NPR1: variants seen among roughly 807,000 people sequenced by gnomAD.
NPR1 encodes atrial natriuretic peptide receptor 1.
In NPR1, 57 loss-of-function variants were observed where a neutral mutation model predicts 116.9. The ratio of observed to expected loss-of-function variants is 0.49; its 90% CI spans 0.39 to 0.61. NPR1 has a LOEUF of 0.61. Among genes scored for constraint, NPR1 ranks in the 20% least tolerant of loss-of-function variants. The pLI is 0.00. For synonymous variants in NPR1, 555 were observed against 601.6 expected (o/e 0.92, Z 1.13); for missense variants, 1,096 against 1,409.8 (o/e 0.78, Z 3.56).
Position 153,683,474 on chromosome 1 carries a change from A to G in NPR1, c.1362A>G (p.Lys454=). 6.2e-7 allele frequency: 1 copy of G among 1,614,158 alleles called. No homozygotes were observed. The highest frequency in any genetic ancestry group is 8.5e-7 in the Non-Finnish European group (1 of 1,180,012). Residue 454 remains lysine, a synonymous_variant, in exon 6 of 22, where the codon AAA becomes AAG. Transcript: ENST00000368680. The stretch of plus-strand genomic sequence containing the variant: ...GGTACCCTCCTCCTGACATCCCCAA[A>G]TGTGGCTTTGACAACGAAGACCCAG... ...PLGYPPPDIP[K]CGFDNEDPAC... is the part of the protein sequence containing the mutation.
At position 153,680,787 on chromosome 1, in the gene NPR1, C is replaced by A. The variant is rs12088708; in HGVS notation, c.921+87C>A. 1.9e-3 allele frequency: 2,140 copies of A among 1,113,056 alleles called. 20 individuals carry two copies. In the African/African-American group the frequency reaches 0.02, roughly 11 times the overall value. 68.9% of individuals were successfully genotyped at this position (1,113,056 alleles called of 1,614,324 possible). On this transcript the variant is annotated intron_variant, in intron 2 of 21. Coordinates refer to ENST00000368680, the MANE Select transcript of NPR1 (RefSeq NM_000906.4). ...GTGTCCCTCAGCGTCTGAAAGAATT[C>A]CAGAAAAGAGGTTTTTGTCTGTTTG...
In NPR1 at chr1:153,685,052, C is replaced by T. The variant is rs139613164; in HGVS notation, c.1573C>T (p.Arg525Trp). 2.0e-5 allele frequency: 33 copies of T among 1,613,934 alleles called. No individual in the cohort carries two copies. The African/African-American group carries it at 2.7e-4, about 13-fold the overall frequency. The change falls in exon 8 of 22, where the codon CGG (arginine) becomes TGG (tryptophan). Residue 525 changes from arginine to tryptophan, a missense_variant. By Grantham distance (101) the Arg-to-Trp change is moderately radical. Coordinates refer to ENST00000368680, the MANE Select transcript of NPR1 (RefSeq NM_000906.4). ...VEPSSLERHL[R>W]SAGSRLTLSG... ...GCCCAGTAGCCTTGAGAGGCACCTGCGGAGTGCAGGCAGCCGGCTGACCCT... is the reference window on the plus strand; with the variant it reads ...GCCCAGTAGCCTTGAGAGGCACCTGTGGAGTGCAGGCAGCCGGCTGACCCT...
intron 4 of NPR1, among the ~76,000 whole-genome samples, 183 bp from the exon 5 acceptor site, chr1:153,682,315 C>T (rs775336026): frequency 6.6e-6 from 1 of 152,182 alleles, no homozygotes; most frequent in Non-Finnish European, 1.5e-5. Context: ...CCGCCTCAGC[C>T]TCCCAAAGTG....
At chr1:153,686,054 G>A (rs1032130780) in intron 9 of NPR1, 69 bp from the exon 10 acceptor site, 110 of 1,539,688 alleles carry the variant, frequency 7.1e-5, no homozygotes, top group South Asian at 4.5e-4. Context: ...ATGGGCTGTC[G>A]GGAGCAGCTG....
chr1:153,686,930 C>A, intron 11 of NPR1, 86 bp from the exon 12 acceptor site: 1 of 1,429,004 alleles, frequency 7.0e-7, no homozygotes, highest in African/African-American at 1.4e-5. Context: ...CCTGTTCTAC[C>A]AGTTCACATC....
Position 153,682,381 on chromosome 1 carries a change from C to G in NPR1, c.1172-117C>G, listed in dbSNP as rs1669805916. 6.9e-6 allele frequency: 5 copies of G among 729,368 alleles called. No individual in the cohort carries two copies. In the East Asian group the frequency reaches 1.1e-4, roughly 16 times the overall value. The allele number at this position is 729,368 out of a possible 1,614,324, so 45.2% of individuals were successfully genotyped here. A position where few individuals can be genotyped will look rare whatever the true frequency, so the allele number is the denominator to read the frequency against. On this transcript the variant is annotated intron_variant, in intron 4 of 21. Coordinates refer to ENST00000368680, the MANE Select transcript of NPR1 (RefSeq NM_000906.4). ...GGCCGTTTTACCATTTACTATCATT[C>G]TGTATACATGTATGTTTGGAAGGCA... is the stretch of plus-strand genomic sequence containing the variant.
In NPR1 at chr1:153,682,654, C is replaced by T. The variant is rs945961241; in HGVS notation, c.1263+65C>T. The T allele has an allele frequency of 2.5e-6, 3 of 1,217,236 alleles. No individual in the cohort carries two copies. In the African/African-American group the frequency reaches 4.5e-5, roughly 18 times the overall value. 75.4% of individuals were successfully genotyped at this position (1,217,236 alleles called of 1,614,324 possible). On this transcript the variant is annotated intron_variant, in intron 5 of 21. Coordinates refer to ENST00000368680, the MANE Select transcript of NPR1 (RefSeq NM_000906.4). ...GACATCTCACCCTCCTACTTCCCCCCCACAGCCCTGCCAGGGCACCTGTTT... is the reference window on the plus strand; with the variant it reads ...GACATCTCACCCTCCTACTTCCCCCTCACAGCCCTGCCAGGGCACCTGTTT...
rs757834187 is a variant in NPR1 at position 153,683,423 on chromosome 1, G to A, written c.1311G>A (p.Ser437=). Reference sequence around the variant, plus strand: ...CTTCCCAAGAGCTGGTGGCTGTGTCGGGGCGCAAACTGAACTGGCCCCTGG... The same window carrying A: ...CTTCCCAAGAGCTGGTGGCTGTGTCAGGGCGCAAACTGAACTGGCCCCTGG... ...NGTSQELVAV[S]GRKLNWPLGY... Residue 437 remains serine (S), a synonymous_variant, in exon 6 of 22, where the codon TCG becomes TCA. Coordinates refer to ENST00000368680, the MANE Select transcript of NPR1 (RefSeq NM_000906.4). The A allele has an allele frequency of 1.1e-5, 17 of 1,614,000 alleles. No homozygotes were observed. The highest frequency in any genetic ancestry group is 4.5e-5 in the East Asian group (2 of 44,876).
chr1:153,691,467 G>A (rs1025596078), intron 20 of NPR1, among the ~76,000 whole-genome samples: 1 of 152,176 alleles, frequency 6.6e-6, no homozygotes, highest in East Asian at 1.9e-4. Flanking sequence ...ACCTTATGGT[G>A]AAAGAAAGGC....
chr1:153,685,987 C>A (rs531250435), intron 9 of NPR1, 107 bp downstream of exon 9: 7 of 1,376,108 alleles, frequency 5.1e-6, no homozygotes, highest in Middle Eastern at 2.2e-4. Flanking sequence ...TGGGGAGCAG[C>A]AGATGGGGGC....
Position 153,687,262 on chromosome 1 carries a change from C to A in NPR1, c.1998C>A (p.Cys666Ter), listed in dbSNP as rs758207169. Residue 666 changes from cysteine (C) to a stop codon, truncating the protein, a stop_gained, in exon 13 of 22, where the codon TGC (cysteine) becomes TGA (stop). Coordinates refer to ENST00000368680, the MANE Select transcript of NPR1 (RefSeq NM_000906.4). LOFTEE classifies it high-confidence loss of function. ...CSHGNLKSSN[C>*]VVDGRFVLKI... ...ATGGGAACCTCAAGTCATCCAACTG[C>A]GTGGTAGATGGGCGCTTTGTGCTCA... 2 of 1,614,000 alleles carry A rather than the reference C, an allele frequency of 1.2e-6. No individual in the cohort carries two copies. Among genetic ancestry groups the A allele is most frequent in the Non-Finnish European group, 1.7e-6 (2 of 1,180,004 alleles).
At chr1:153,682,637 A>C (rs1571346485) in intron 5 of NPR1, 48 bp downstream of exon 5, 119 of 1,376,258 alleles carry the variant, frequency 8.6e-5, no homozygotes, top group Non-Finnish European at 1.1e-4. Context: ...ATGACATCTC[A>C]CCCTCCTACT....
intron 7 of NPR1, among the ~76,000 whole-genome samples, 185 bp downstream of exon 7, chr1:153,684,009 G>A (rs1226199937): frequency 3.3e-5 from 5 of 152,164 alleles, no homozygotes; most frequent in South Asian, 4.1e-4. Flanking sequence ...ATGGCAGGGC[G>A]AGGGGAGGAG....
chr1:153,683,439 T>C lies in NPR1; in HGVS notation c.1327T>C (p.Trp443Arg). The change falls in exon 6 of 22, where the codon TGG (tryptophan) becomes CGG (arginine). Residue 443 changes from tryptophan to arginine, a missense_variant. By Grantham distance (101) the Trp-to-Arg change is moderately radical (BLOSUM62 -3). Transcript: ENST00000368680. Reference protein sequence around the residue: ...LVAVSGRKLNWPLGYPPPDIP... With the variant: ...LVAVSGRKLNRPLGYPPPDIP... The stretch of plus-strand genomic sequence containing the variant: ...GGCTGTGTCGGGGCGCAAACTGAAC[T>C]GGCCCCTGGGGTACCCTCCTCCTGA... 6.2e-7 allele frequency: 1 copy of C among 1,614,196 alleles called. No homozygotes were observed. Among genetic ancestry groups the C allele is most frequent in the Non-Finnish European group, 8.5e-7 (1 of 1,180,030 alleles).
chr1:153,679,435 C>T lies in NPR1; in HGVS notation c.327C>T (p.Asn109=), dbSNP rs1038572430. 104 of 1,543,324 alleles carry T rather than the reference C, an allele frequency of 6.7e-5. No individual in the cohort carries two copies. Among genetic ancestry groups the T allele is most frequent in the Non-Finnish European group, 8.9e-5 (102 of 1,149,032 alleles). Residue 109 remains asparagine, a synonymous_variant, in exon 1 of 22, where the codon AAC becomes AAT. Coordinates refer to ENST00000368680, the MANE Select transcript of NPR1 (RefSeq NM_000906.4). This position sits in a 1 kb window ranked among gnomAD's most constrained non-coding sequence, Gnocchi z 4.2. The part of the protein sequence containing the change: ...LAAVDLKWEH[N]PAVFLGPGCV... ...CGGTGGACCTCAAGTGGGAGCACAA[C>T]CCCGCTGTGTTCCTGGGCCCCGGCT... is the stretch of plus-strand genomic sequence containing the variant.
chr1:153,686,944 AGGACCCT>A (rs1669949016), intron 11 of NPR1, 65 bp from the exon 12 acceptor site: 1 of 1,507,908 alleles, frequency 6.6e-7, no homozygotes, highest in East Asian at 2.3e-5. Flanking sequence ...TCACATCAGT[AGGACCCT>A]GCACCCTCCT....
At chr1:153,682,646 C>A in intron 5 of NPR1, 57 bp downstream of exon 5, 1 of 1,314,104 alleles carries the variant, frequency 7.6e-7, no homozygotes, top group Non-Finnish European at 1.1e-6. Context: ...CACCCTCCTA[C>A]TTCCCCCCCA....
intron 10 of NPR1, 61 bp downstream of exon 10, chr1:153,686,261 G>A: frequency 1.3e-6 from 2 of 1,499,242 alleles, no homozygotes; most frequent in Non-Finnish European, 9.3e-7. Flanking sequence ...AAGGGAGACT[G>A]GCCAACAGAA....
At chr1:153,686,248 C>T (rs10908420) in intron 10 of NPR1, 48 bp downstream of exon 10, 123,657 of 1,557,186 alleles carry the variant, frequency 0.079, 5,473 homozygotes, top group Non-Finnish European at 0.094. Context: ...CCCTCGGGGA[C>T]GCAAGGGAGA....
Sources: allele counts gnomAD v4.1 joint callset (sites outside exome capture counted in the v4.1 genomes callset), GRCh38; gene constraint gnomAD v4.1.1; non-coding constraint Gnocchi (gnomAD v3.1); transcripts MANE v1.5; gene names NCBI Gene and HGNC (gene_info 2026-07-23, HGNC 2026-07-21).